The following LRP1 variants were observed in gnomAD, a reference collection of about 807,000 sequenced individuals.
The protein encoded by LRP1 is prolow-density lipoprotein receptor-related protein 1.
A neutral mutation model predicts 541.5 loss-of-function variants in LRP1; 51 were observed. The observed-to-expected ratio is 0.09, with a 90% CI of 0.08 to 0.12. The LOEUF is 0.12. Ranked by LOEUF, LRP1 falls within the 10% of genes least tolerant of loss-of-function variation. LRP1 has a pLI of 1.00. For synonymous variants in LRP1, 2,219 were observed against 2,470.8 expected (o/e 0.90, Z 3.02); for missense variants, 3,878 against 6,376.2 (o/e 0.61, Z 13.34).
chr12:57,185,653 G>C lies in LRP1; in HGVS notation c.6586G>C (p.Glu2196Gln), dbSNP rs1415967555. The change falls in exon 41 of 89, where the codon GAG becomes CAG. Residue 2196 changes from glutamate to glutamine, a missense_variant. By Grantham distance (29) the Glu-to-Gln change is conservative. Transcript: ENST00000243077. This position sits in a 1 kb window ranked among gnomAD's most constrained non-coding sequence, Gnocchi z 4.9. Reference sequence around the variant, plus strand: ...GGCTGAAGACGGAGCATCGTGCCGCGAGTATGCCGGCTACCTGCTCTACTC... The same window carrying C: ...GGCTGAAGACGGAGCATCGTGCCGCCAGTATGCCGGCTACCTGCTCTACTC... ...MLAEDGASCR[E>Q]YAGYLLYSER... The C allele has an allele frequency of 1.2e-6, 2 of 1,613,228 alleles. No homozygotes were observed. Among genetic ancestry groups the C allele is most frequent in the East Asian group, 2.2e-5 (1 of 44,864 alleles).
chr12:57,184,505 C>G lies in LRP1; in HGVS notation c.6186+53C>G. On this transcript the variant is annotated intron_variant, in intron 38 of 88. Coordinates refer to ENST00000243077, the MANE Select transcript of LRP1 (RefSeq NM_002332.3). This position sits in a 1 kb window ranked among gnomAD's most constrained non-coding sequence, Gnocchi z 7.8. Reference sequence around the variant, plus strand: ...CGATGGTAGACCCCTGACCCAGGCTCCTGTTCCCTGTGATGAGCCCATTCT... The same window carrying G: ...CGATGGTAGACCCCTGACCCAGGCTGCTGTTCCCTGTGATGAGCCCATTCT... 2 of 1,608,146 alleles carry G rather than the reference C, an allele frequency of 1.2e-6. No individual in the cohort carries two copies. The highest frequency in any genetic ancestry group is 1.7e-6 in the Non-Finnish European group (2 of 1,177,372).
rs143017853 is a variant in LRP1 at position 57,198,471 on chromosome 12, G to A, written c.9477G>A (p.Leu3159=). 1.9e-6 allele frequency: 3 copies of A among 1,613,990 alleles called. No individual in the cohort carries two copies. The highest frequency in any genetic ancestry group is 2.2e-5 in the South Asian group (2 of 91,086). The part of the protein sequence containing the change: ...ALVVDVQNGY[L]YWTDWGDHSL... ...ACTGCCTACCCATCGCCAGGTACCT[G>A]TACTGGACAGACTGGGGTGACCATT... Residue 3159 remains leucine (L), a synonymous_variant, in exon 60 of 89, where the codon CTG becomes CTA. Coordinates refer to ENST00000243077, the MANE Select transcript of LRP1 (RefSeq NM_002332.3).
chr12:57,179,597 C>G lies in LRP1; in HGVS notation c.4966+41C>G, dbSNP rs780982010. 1.9e-6 allele frequency: 3 copies of G among 1,552,986 alleles called. No homozygotes were observed. Among genetic ancestry groups the G allele is most frequent in the Admixed American group, 1.7e-5 (1 of 59,406 alleles). Reference sequence around the variant, plus strand: ...GGATGCCCACCAGTGGACATGGGCACCTCCACCCGCCCCTTGCTCCCAACC... The same window carrying G: ...GGATGCCCACCAGTGGACATGGGCAGCTCCACCCGCCCCTTGCTCCCAACC... On this transcript the variant is annotated intron_variant, in intron 29 of 88. Transcript: ENST00000243077. The surrounding 1 kb of genome is among the most constrained non-coding windows in gnomAD (Gnocchi z 6.8).
chr12:57,210,957 T>C, intron 83 of LRP1, 78 bp downstream of exon 83: 1 of 1,531,698 alleles, frequency 6.5e-7, no homozygotes, highest in Non-Finnish European at 8.8e-7. Context: ...ATGTTCAACC[T>C]GTGCCTGGGA....
In LRP1 at chr12:57,204,548, C is replaced by T. The variant is rs371127440; in HGVS notation, c.11071+19C>T. On this transcript the variant is annotated intron_variant, in intron 71 of 88. Coordinates refer to ENST00000243077, the MANE Select transcript of LRP1 (RefSeq NM_002332.3). This position sits in a 1 kb window ranked among gnomAD's most constrained non-coding sequence, Gnocchi z 5.3. ...GAGTGTGGTGAGATTTGGGGCGGGG[C>T]TCCCAGGCTTCCCAGTGGCCAGCAA... is the stretch of plus-strand genomic sequence containing the variant. 1.0e-5 allele frequency: 16 copies of T among 1,606,332 alleles called. No homozygotes were observed. Among genetic ancestry groups the T allele is most frequent in the South Asian group, 5.5e-5 (5 of 90,532 alleles).
chr12:57,143,943 GC>G (rs2035348440), intron 4 of LRP1, 145 bp downstream of exon 4: 2 of 1,032,358 alleles, frequency 1.9e-6, no homozygotes, highest in African/African-American at 3.2e-5. Context: ...CCACCCCAGG[GC>G]ATGACTGTGA....
intron 67 of LRP1, 130 bp downstream of exon 67, chr12:57,202,035 GCCT>G (rs1217742918): frequency 1.6e-6 from 2 of 1,240,118 alleles, no homozygotes; most frequent in Non-Finnish European, 2.3e-6. Flanking sequence ...GGCTTCCTGG[GCCT>G]GCTGTGGGGC....
chr12:57,165,742 GC>G lies in LRP1; in HGVS notation c.2531-62del. On this transcript the variant is annotated intron_variant, in intron 15 of 88. Coordinates refer to ENST00000243077, the MANE Select transcript of LRP1 (RefSeq NM_002332.3). The surrounding 1 kb of genome is among the most constrained non-coding windows in gnomAD (Gnocchi z 4.5). ...AAAACAAACAAAAATGGTGCAAAGG[GC>G]TTAGTACTTGTCCCACGACCGGGGT... 1.3e-6 allele frequency: 2 copies of G among 1,557,934 alleles called. No homozygotes were observed. Among genetic ancestry groups the G allele is most frequent in the Non-Finnish European group, 1.8e-6 (2 of 1,134,104 alleles).
In LRP1 at chr12:57,193,745, G is replaced by A. The variant is rs2036465603; in HGVS notation, c.7804+60G>A. ...CTCAGTTCCTGCCCCACCCCTCCCTGGCCAAGCTTTGTCCCTGGGCCCCGT... is the reference window on the plus strand; with the variant it reads ...CTCAGTTCCTGCCCCACCCCTCCCTAGCCAAGCTTTGTCCCTGGGCCCCGT... On this transcript the variant is annotated intron_variant, in intron 47 of 88. Transcript: ENST00000243077. The A allele has an allele frequency of 1.9e-6, 3 of 1,613,410 alleles. No homozygotes were observed. The African/African-American group carries it at 4.0e-5, about 22-fold the overall frequency.
At chr12:57,199,568 C>T (rs144218283) in intron 61 of LRP1, among the ~76,000 whole-genome samples, 168 bp downstream of exon 61, 7 of 152,258 alleles carry the variant, frequency 4.6e-5, no homozygotes, top group Middle Eastern at 3.4e-3. Context: ...AGCTTCAGCC[C>T]GGCCTGGATC....
intron 48 of LRP1, 149 bp downstream of exon 48, chr12:57,194,161 C>CA: frequency 1.0e-6 from 1 of 986,772 alleles, no homozygotes; most frequent in Non-Finnish European, 1.5e-6. Flanking sequence ...GCCCTGTCCC[C>CA]ATCCCGCTCC....
chr12:57,198,533 G>A lies in LRP1; in HGVS notation c.9539G>A (p.Arg3180His), dbSNP rs763130531. The change falls in exon 60 of 89, where the codon CGC (arginine) becomes CAC (histidine). Residue 3180 changes from arginine (R) to histidine (H), a missense_variant. Physicochemically the swap from Arg to His is conservative, Grantham distance 29. Coordinates refer to ENST00000243077, the MANE Select transcript of LRP1 (RefSeq NM_002332.3). The part of the protein sequence containing the change: ...IGRIGMDGSS[R>H]SVIVDTKITW... ...CGCATCGGCATGGATGGGTCCAGCC[G>A]CAGCGTCATCGTGGACACCAAGATC... is the stretch of plus-strand genomic sequence containing the variant. 47 of 1,613,878 alleles carry A rather than the reference G, an allele frequency of 2.9e-5. No individual in the cohort carries two copies. Among genetic ancestry groups the A allele is most frequent in the East Asian group, 4.5e-5 (2 of 44,888 alleles).
At position 57,179,226 on chromosome 12, in the gene LRP1, C is replaced by A; in HGVS notation, c.4739-103C>A. On this transcript the variant is annotated intron_variant, in intron 28 of 88. Transcript: ENST00000243077. The surrounding 1 kb of genome is among the most constrained non-coding windows in gnomAD (Gnocchi z 6.8). Reference sequence around the variant, plus strand: ...GGGGTATGTCCACGGAGCCAAGGGCCAGTAGCAAACAGACGGATCCAGAAG... The same window carrying A: ...GGGGTATGTCCACGGAGCCAAGGGCAAGTAGCAAACAGACGGATCCAGAAG... 1 of 1,174,228 alleles carries A rather than the reference C, an allele frequency of 8.5e-7. No homozygotes were observed. The highest frequency in any genetic ancestry group is 1.2e-6 in the Non-Finnish European group (1 of 816,066). The allele number at this position is 1,174,228 out of a possible 1,614,324, so 72.7% of individuals were successfully genotyped here.
intron 61 of LRP1, 80 bp downstream of exon 61, chr12:57,199,480 T>A: frequency 6.9e-7 from 1 of 1,457,718 alleles, no homozygotes; most frequent in Non-Finnish European, 9.4e-7. Flanking sequence ...ATCCCTTCTC[T>A]AGCATTGACC....
At chr12:57,180,629 G>A (rs376268322) in intron 32 of LRP1, 38 bp from the exon 33 acceptor site, 1 of 1,612,702 alleles carries the variant, frequency 6.2e-7, no homozygotes, top group African/African-American at 1.3e-5. Context: ...CTGGGTGTGG[G>A]GCCTTCCCAA....
chr12:57,204,319 G>A lies in LRP1; in HGVS notation c.10952-91G>A, dbSNP rs936202284. ...TTGGCTGTGCCACTGCTTGCCTGGT[G>A]ACCCCTCTGAGCCTGGAACCCCCAC... On this transcript the variant is annotated intron_variant, in intron 70 of 88. Coordinates refer to ENST00000243077, the MANE Select transcript of LRP1 (RefSeq NM_002332.3). This position sits in a 1 kb window ranked among gnomAD's most constrained non-coding sequence, Gnocchi z 5.3. The A allele has an allele frequency of 1.4e-6, 2 of 1,384,356 alleles. No individual in the cohort carries two copies. The highest frequency in any genetic ancestry group is 1.9e-6 in the Non-Finnish European group (2 of 1,047,366). 85.8% of individuals were successfully genotyped at this position (1,384,356 alleles called of 1,614,324 possible).
chr12:57,157,373 G>A (rs532281218), intron 10 of LRP1, among the ~76,000 whole-genome samples: 2 of 152,368 alleles, frequency 1.3e-5, no homozygotes, highest in South Asian at 4.1e-4. Context: ...CACTTTGGGA[G>A]GCCGAGGCAG....
Position 57,210,781 on chromosome 12 carries a change from C to A in LRP1, c.12818C>A (p.Ala4273Glu). 1 of 1,613,516 alleles carries A rather than the reference C, an allele frequency of 6.2e-7. No homozygotes were observed. Among genetic ancestry groups the A allele is most frequent in the Non-Finnish European group, 8.5e-7 (1 of 1,179,828 alleles). ...CCCAAATGCACCCAGCAGGTGTGTGCGGGCTACTGTGCCAACAACAGCACC... is the reference window on the plus strand; with the variant it reads ...CCCAAATGCACCCAGCAGGTGTGTGAGGGCTACTGTGCCAACAACAGCACC... ...TGPKCTQQVC[A>E]GYCANNSTCT... Residue 4273 changes from alanine to glutamate, a missense_variant, in exon 83 of 89, where the codon GCG (alanine) becomes GAG (glutamate). Ala to Glu is a moderately radical substitution (Grantham distance 107). This residue lies in a region of LRP1 where 871 missense variants were observed against 1,212.4 expected (regional missense o/e 0.72). Coordinates refer to ENST00000243077, the MANE Select transcript of LRP1 (RefSeq NM_002332.3).
At chr12:57,142,906 C>T (rs892095218) in intron 3 of LRP1, among the ~76,000 whole-genome samples, 12 of 152,046 alleles carry the variant, frequency 7.9e-5, no homozygotes, top group Admixed American at 2.0e-4. Context: ...GCATCTTGGG[C>T]GGCTCTCTCT....
Sources: allele counts gnomAD v4.1 joint callset (sites outside exome capture counted in the v4.1 genomes callset), GRCh38; gene constraint gnomAD v4.1.1; regional missense constraint gnomAD v4.1.1; non-coding constraint Gnocchi (gnomAD v3.1); transcripts MANE v1.5; gene names NCBI Gene and HGNC (gene_info 2026-07-23, HGNC 2026-07-21).